The following SRGAP3 variants were observed in gnomAD, a reference collection of about 807,000 sequenced individuals.
SRGAP3 encodes SLIT-ROBO Rho GTPase activating protein 3.
Under a neutral mutation model 121.1 loss-of-function variants are expected in SRGAP3, and 39 were observed. The observed-to-expected ratio is 0.32, with a 90% confidence interval of 0.25 to 0.42. SRGAP3 has a LOEUF of 0.42. SRGAP3 is among the 10% of genes least tolerant of loss of function. The pLI, the probability that SRGAP3 is intolerant of heterozygous loss-of-function variation, is 1.00. For missense variants in SRGAP3, 1,213 were observed against 1,470.6 expected, an observed-to-expected ratio of 0.82 and a Z score of 2.86; for synonymous variants, 601 against 570.0, an observed-to-expected ratio of 1.05 and a Z score of -0.77.
At chr3:9,131,780 C>T (rs1275447710) in intron 1 of SRGAP3, among the ~76,000 whole-genome samples, 5 of 151,846 alleles carry the variant, frequency 3.3e-5, no homozygotes, top group Non-Finnish European at 1.5e-5. Context: ...CCTAAAGCAC[C>T]AATCTCCCTG....
intron 4 of SRGAP3, among the ~76,000 whole-genome samples, chr3:9,070,759 C>T (rs536604659): frequency 6.6e-6 from 1 of 152,246 alleles, no homozygotes; most frequent in South Asian, 2.1e-4. Context: ...GATTGCTGTA[C>T]CATCAATCAT....
intron 21 of SRGAP3, among the ~76,000 whole-genome samples, chr3:8,988,201 C>CCCAATTCGATCTTCCCACT (rs1444692717): frequency 6.6e-6 from 1 of 152,194 alleles, no homozygotes; most frequent in East Asian, 1.9e-4. Flanking sequence ...TCATCTCCTC[C>CCCAATTCGATCTTCCCACT]CCAATTCGAT....
At chr3:9,151,399 G>A (rs1032087783) in intron 1 of SRGAP3, among the ~76,000 whole-genome samples, 2 of 152,220 alleles carry the variant, frequency 1.3e-5, no homozygotes, top group Non-Finnish European at 2.9e-5. Context: ...CCTGGAGCCA[G>A]ACCAAGAAGG....
chr3:9,077,445 G>A (rs1368020717), intron 4 of SRGAP3, among the ~76,000 whole-genome samples: 2 of 152,160 alleles, frequency 1.3e-5, no homozygotes, highest in African/African-American at 2.4e-5. Flanking sequence ...ATTTAACTGA[G>A]TTTCTGAGTA....
chr3:9,213,961 A>G (rs943575824), intron 1 of SRGAP3, among the ~76,000 whole-genome samples: 1 of 152,002 alleles, frequency 6.6e-6, no homozygotes, highest in Non-Finnish European at 1.5e-5. Context: ...ACGTTTCCTG[A>G]TTTCTCATCA....
At chr3:9,341,980 T>C (rs1955794872) in intron 1 of SRGAP3, among the ~76,000 whole-genome samples, 1 of 152,170 alleles carries the variant, frequency 6.6e-6, no homozygotes, top group Admixed American at 6.5e-5. Flanking sequence ...TGCTTGAGAA[T>C]CTAGATACAG....
intron 14 of SRGAP3, among the ~76,000 whole-genome samples, chr3:9,023,151 G>A (rs1944010266): frequency 6.6e-6 from 1 of 152,232 alleles, no homozygotes; most frequent in African/African-American, 2.4e-5. Flanking sequence ...GCACCATGCA[G>A]TGAGTTTGCC....
chr3:8,985,063 C>A lies in SRGAP3; in HGVS notation c.*456G>T. 1 of 231,822 alleles carries A rather than the reference C, an allele frequency of 4.3e-6. No individual in the cohort carries two copies. Among genetic ancestry groups the A allele is most frequent in the Non-Finnish European group, 8.5e-6 (1 of 117,442 alleles). 14.4% of individuals were successfully genotyped at this position (231,822 alleles called of 1,614,324 possible). On this transcript the variant is annotated 3_prime_UTR_variant, in exon 22 of 22. Transcript: ENST00000383836. This position sits in a 1 kb window ranked among gnomAD's most constrained non-coding sequence, Gnocchi z 5.1. ...CTATATACACTTAGTATGCGTGTGT[C>A]CAGATCTAGTATATGTATATAGATG...
chr3:9,283,030 T>C (rs1212542860), intron 3 of SRGAP3, among the ~76,000 whole-genome samples: 1 of 151,946 alleles, frequency 6.6e-6, no homozygotes, highest in Non-Finnish European at 1.5e-5. Context: ...TCTGTCTGCC[T>C]CCTGGGTTCA....
chr3:9,215,263 G>C (rs1031826023), intron 1 of SRGAP3, among the ~76,000 whole-genome samples: 1 of 152,070 alleles, frequency 6.6e-6, no homozygotes. Flanking sequence ...CCTTACTTTC[G>C]GCTCACTGAA....
chr3:9,316,514 C>A (rs951447474), intron 3 of SRGAP3, among the ~76,000 whole-genome samples: 19 of 152,136 alleles, frequency 1.2e-4, no homozygotes, highest in Non-Finnish European at 2.5e-4. Flanking sequence ...AAAAAATTAG[C>A]TGGGCATGGT....
chr3:9,129,413 G>A (rs1412659175), intron 1 of SRGAP3, among the ~76,000 whole-genome samples: 2 of 150,670 alleles, frequency 1.3e-5, no homozygotes, highest in Non-Finnish European at 2.9e-5. Flanking sequence ...AACTTAAAAT[G>A]TGTGAAGCAG....
At chr3:9,081,328 T>A (rs1420206955) in intron 3 of SRGAP3, 1 of 455,226 alleles carries the variant, frequency 2.2e-6, no homozygotes. Flanking sequence ...ACAGGAGAAG[T>A]ACAGGTTGGC....
Position 9,334,139 on chromosome 3 carries a change from T to A in SRGAP3, n.215-3543A>T, listed in dbSNP as rs78327806. ...TGTAAGAGTCAAACTAGAATGTGTG[T>A]GTGAATGTTGATTTATTTTGTTTTT... is the stretch of plus-strand genomic sequence containing the variant. On this transcript the variant is annotated intron_variant and non_coding_transcript_variant, in intron 1 of 3. Coordinates refer to the SRGAP3 transcript ENST00000490889. 6.8e-3 allele frequency among the ~76,000 whole-genome samples: 1,042 copies of A among 152,218 alleles called. 6 individuals are homozygous for A. The highest frequency in any genetic ancestry group is 0.023 in the African/African-American group (948 of 41,498).
intron 1 of SRGAP3, among the ~76,000 whole-genome samples, chr3:9,157,252 G>T (rs1401895618): frequency 2.0e-5 from 3 of 152,104 alleles, no homozygotes; most frequent in African/African-American, 7.2e-5. Context: ...CATGGTGGCA[G>T]CAGAGAAAGA....
intron 3 of SRGAP3, among the ~76,000 whole-genome samples, chr3:9,101,376 G>C (rs1375409978): frequency 6.6e-6 from 1 of 152,218 alleles, no homozygotes; most frequent in Non-Finnish European, 1.5e-5. Context: ...TCAGGGATGG[G>C]TATGTGTCCC....
chr3:9,078,564 C>CT (rs1465761179), intron 4 of SRGAP3, among the ~76,000 whole-genome samples: 2 of 152,112 alleles, frequency 1.3e-5, no homozygotes, highest in Non-Finnish European at 2.9e-5. Flanking sequence ...ACAGAATGCT[C>CT]TTTTTTTCTC....
chr3:9,280,946 G>A lies in SRGAP3; in HGVS notation n.442+45064C>T, dbSNP rs566357884. Among the ~76,000 whole-genome samples the A allele has an allele frequency of 3.3e-3, 496 of 151,798 alleles. 2 individuals are homozygous for A. Among genetic ancestry groups the A allele is most frequent in the Non-Finnish European group, 4.1e-3 (281 of 68,036 alleles). ...GTGCTCAGAAAGCAGAGGTAATGTT[G>A]GCTGAAAGCAATTCCTGAATTGTTG... On this transcript the variant is annotated intron_variant and non_coding_transcript_variant, in intron 3 of 3. Transcript: ENST00000490889.
intron 10 of SRGAP3, among the ~76,000 whole-genome samples, chr3:9,043,788 A>C (rs1014207430): frequency 1.3e-5 from 2 of 152,148 alleles, no homozygotes; most frequent in Non-Finnish European, 2.9e-5. Flanking sequence ...TGGGCAATTA[A>C]AGTTGGCATG....
Sources: allele counts gnomAD v4.1 joint callset (sites outside exome capture counted in the v4.1 genomes callset), GRCh38; gene constraint gnomAD v4.1.1; non-coding constraint Gnocchi (gnomAD v3.1); transcripts MANE v1.5; gene names NCBI Gene and HGNC (gene_info 2026-07-23, HGNC 2026-07-21).